TEX11: variants seen among roughly 807,000 people sequenced by gnomAD.
The protein encoded by TEX11 is testis-expressed protein 11.
In TEX11, 7 loss-of-function variants were observed where a neutral mutation model predicts 84.4. The observed-to-expected ratio is 0.08, with a 90% CI of 0.05 to 0.16. The LOEUF is 0.16. Ranked by LOEUF, TEX11 falls within the 10% of genes least tolerant of loss-of-function variation. The pLI is 1.00. For missense variants in TEX11, 551 were observed against 660.5 expected (o/e 0.83, Z 1.82); for synonymous variants, 264 against 222.8 (o/e 1.18, Z -1.64).
At position 70,682,811 on chromosome X, in the gene TEX11, A is replaced by G. The variant is rs1056191384; in HGVS notation, c.1019T>C (p.Phe340Ser). 4 of 1,207,229 alleles carry G rather than the reference A, an allele frequency of 3.3e-6. No individual in the cohort carries two copies. The African/African-American group carries it at 7.0e-5, about 21-fold the overall frequency. ...TTCATGAATAATCGTCAGGAAATGAAACCCAACAGATTCTCTGTACAATGA... is the reference window on the plus strand; with the variant it reads ...TTCATGAATAATCGTCAGGAAATGAGACCCAACAGATTCTCTGTACAATGA... ...LMDHERESVG[F>S]HFLTIIHERF... The change falls in exon 14 of 30, where the codon TTT (phenylalanine) becomes TCT (serine). Residue 340 changes from phenylalanine (F) to serine (S), a missense_variant. Coordinates refer to ENST00000374333, the MANE Select transcript of TEX11 (RefSeq NM_031276.3).
In TEX11 at chrX:70,880,117, G is replaced by T; in HGVS notation, c.38-8C>A. On this transcript the variant is annotated splice_polypyrimidine_tract_variant and splice_region_variant and intron_variant, in intron 2 of 29. Transcript: ENST00000374333. ...CCAGGTTTTCAACAACTTCTGAAAT[G>T]ACAATGGATGATAAATGTGCTGTGA... The T allele has an allele frequency of 8.6e-7, 1 of 1,163,968 alleles. No individual in the cohort carries two copies. The highest frequency in any genetic ancestry group is 2.0e-5 in the South Asian group (1 of 49,852).
intron 10 of TEX11, among the ~76,000 whole-genome samples, chrX:70,741,085 TC>T (rs944223120): frequency 9.0e-6 from 1 of 111,173 alleles, no homozygotes; most frequent in East Asian, 2.8e-4. Flanking sequence ...TATTTTATCA[TC>T]CCCCCTTTTA....
intron 5 of TEX11, among the ~76,000 whole-genome samples, chrX:70,857,995 A>T: frequency 9.0e-6 from 1 of 110,975 alleles, no homozygotes. Context: ...GACATGTGGG[A>T]GCTAAGCTAC....
the TEX11 span, among the ~76,000 whole-genome samples, chrX:70,519,874 A>G: frequency 9.0e-6 from 1 of 111,361 alleles, no homozygotes; most frequent in African/African-American, 3.3e-5. Flanking sequence ...TTGATCTTCA[A>G]TCACTGATAC....
At chrX:70,798,911 C>T (rs1232881333) in intron 9 of TEX11, among the ~76,000 whole-genome samples, 2 of 111,010 alleles carry the variant, frequency 1.8e-5, no homozygotes, top group East Asian at 5.6e-4. Context: ...TGGGGGAAAG[C>T]TTATTGATAT....
At chrX:70,541,593 G>A (rs1437564727) in intron 28 of TEX11, among the ~76,000 whole-genome samples, 1 of 110,933 alleles carries the variant, frequency 9.0e-6, no homozygotes, top group African/African-American at 3.3e-5. Flanking sequence ...CATCTCTACC[G>A]AAAATACAAA....
At chrX:70,569,845 CG>C (rs2088563341) in intron 25 of TEX11, among the ~76,000 whole-genome samples, 2 of 111,658 alleles carry the variant, frequency 1.8e-5, no homozygotes, top group Admixed American at 9.5e-5. Context: ...TTAGGCTGCT[CG>C]GGGGTCGGTG....
intron 12 of TEX11, chrX:70,724,024 AG>A: frequency 1.4e-6 from 1 of 707,370 alleles, no homozygotes; most frequent in Non-Finnish European, 1.7e-6. Flanking sequence ...GTTAAGTAAA[AG>A]CAATCTGTGA....
At chrX:70,545,325 TAA>T (rs985044973) in intron 28 of TEX11, among the ~76,000 whole-genome samples, 2 of 112,674 alleles carry the variant, frequency 1.8e-5, no homozygotes, top group Admixed American at 1.9e-4. Flanking sequence ...CCTTATTGTA[TAA>T]GTGTTTTCCT....
Position 70,722,686 on chromosome X carries a change from T to C in TEX11, c.936A>G (p.Glu312=), listed in dbSNP as rs745993028. 5.1e-6 allele frequency: 6 copies of C among 1,187,117 alleles called. No homozygotes were observed. In the South Asian group the frequency reaches 1.1e-4, roughly 21 times the overall value. ...SNEELLEAVM[E]ILHLDMPLDF... Reference sequence around the variant, plus strand: ...CTAAGGGCATGTCAAGATGTAGTATTTCCATGACAGCTAACAAGATGAAAA... The same window carrying C: ...CTAAGGGCATGTCAAGATGTAGTATCTCCATGACAGCTAACAAGATGAAAA... Residue 312 remains glutamate (E), a synonymous_variant, in exon 13 of 30, where the codon GAA becomes GAG. Transcript: ENST00000374333.
At chrX:70,861,010 C>A in intron 4 of TEX11, 74 bp from the exon 5 acceptor site, 11 of 611,990 alleles carry the variant, frequency 1.8e-5, no homozygotes, top group South Asian at 3.1e-5. Flanking sequence ...AGAGAAAAGA[C>A]AATTGAAGGA....
chrX:70,544,042 T>C (rs1437720498), intron 28 of TEX11, among the ~76,000 whole-genome samples: 1 of 111,572 alleles, frequency 9.0e-6, no homozygotes, highest in Non-Finnish European at 1.9e-5. Flanking sequence ...TACTCCTGTA[T>C]AGGGCACTAA....
At chrX:70,546,794 C>G (rs1462243221) in intron 28 of TEX11, among the ~76,000 whole-genome samples, 1 of 110,665 alleles carries the variant, frequency 9.0e-6, no homozygotes, top group Non-Finnish European at 1.9e-5. Context: ...CTTTGGCAAA[C>G]AGACTGCAGC....
the TEX11 span, among the ~76,000 whole-genome samples, chrX:70,513,021 T>C: frequency 5.5e-5 from 6 of 108,692 alleles, no homozygotes; most frequent in African/African-American, 2.1e-4. Context: ...GGTGGTTTTG[T>C]TTTCCTCTTA....
At chrX:70,808,954 G>T (rs754221918) in intron 8 of TEX11, among the ~76,000 whole-genome samples, 1 of 111,572 alleles carries the variant, frequency 9.0e-6, no homozygotes, top group Non-Finnish European at 1.9e-5. Context: ...GAAGCTACTG[G>T]AGGATATGCC....
rs1303851751 is a variant in TEX11 at position 70,540,038 on chromosome X, G to A, written c.2521-10039C>T. ...TTCTACCTGGAAGTAACAAGGCTGGGCCCACTCCCTTGCTAAAGCAGGTCA... is the reference window on the plus strand; with the variant it reads ...TTCTACCTGGAAGTAACAAGGCTGGACCCACTCCCTTGCTAAAGCAGGTCA... On this transcript the variant is annotated intron_variant, in intron 28 of 29. Coordinates refer to ENST00000374333, the MANE Select transcript of TEX11 (RefSeq NM_031276.3). Among the ~76,000 whole-genome samples the A allele has an allele frequency of 1.8e-5, 2 of 111,774 alleles. 1 individual carries two copies. Among genetic ancestry groups the A allele is most frequent in the Non-Finnish European group, 3.8e-5 (2 of 53,219 alleles).
At chrX:70,540,665 T>G (rs192735984) in intron 28 of TEX11, among the ~76,000 whole-genome samples, 1 of 111,295 alleles carries the variant, frequency 9.0e-6, no homozygotes, top group Non-Finnish European at 1.9e-5. Context: ...TATTTTCTCA[T>G]GTAAAACTGA....
intron 23 of TEX11, among the ~76,000 whole-genome samples, chrX:70,605,956 G>T (rs1291632217): frequency 8.9e-6 from 1 of 111,821 alleles, no homozygotes; most frequent in African/African-American, 3.2e-5. Context: ...CATTAGTCAT[G>T]ACCTCATCAT....
chrX:70,800,692 T>G (rs1569444684), intron 9 of TEX11, among the ~76,000 whole-genome samples: 1 of 93,749 alleles, frequency 1.1e-5, no homozygotes, highest in East Asian at 3.3e-4. Flanking sequence ...ATGTGCTTTT[T>G]TTTTTTTTTT....
Sources: allele counts gnomAD v4.1 joint callset (sites outside exome capture counted in the v4.1 genomes callset), GRCh38; gene constraint gnomAD v4.1.1; transcripts MANE v1.5; gene names NCBI Gene and HGNC (gene_info 2026-07-23, HGNC 2026-07-21).